Variants in QTMAN observed in about 807,000 individuals in gnomAD.
QTMAN encodes the protein queuosine-tRNA mannosyltransferase, also known as tRNA-queuosine alpha-mannosyltransferase.
At chr2:144,148,435 T>C in the QTMAN span, among the ~76,000 whole-genome samples, 2 of 151,814 alleles carry the variant, frequency 1.3e-5, no homozygotes, top group East Asian at 1.9e-4. Context: ...GAGCAAGGCA[T>C]TGTCGTACTG....
At chr2:144,184,598 T>G in the QTMAN span, among the ~76,000 whole-genome samples, 1 of 152,188 alleles carries the variant, frequency 6.6e-6, no homozygotes. Flanking sequence ...TTTCTTTTCC[T>G]TTTTGGAAAT....
the QTMAN span, among the ~76,000 whole-genome samples, chr2:143,982,342 T>C: frequency 6.6e-6 from 1 of 151,946 alleles, no homozygotes; most frequent in African/African-American, 2.4e-5. Flanking sequence ...GCAATTCTCC[T>C]GTCTCAGCTT....
chr2:144,054,292 G>T, the QTMAN span, among the ~76,000 whole-genome samples: 1 of 152,090 alleles, frequency 6.6e-6, no homozygotes, highest in African/African-American at 2.4e-5. Context: ...GCACAACAAA[G>T]GTTCTTTGCT....
chr2:143,954,020 T>C, the QTMAN span, among the ~76,000 whole-genome samples: 81 of 152,084 alleles, frequency 5.3e-4, no homozygotes, highest in African/African-American at 1.7e-3. Flanking sequence ...TGAGAACTGA[T>C]AGAAGTTACA....
the QTMAN span, among the ~76,000 whole-genome samples, chr2:144,277,656 T>C: frequency 6.6e-6 from 1 of 150,712 alleles, no homozygotes; most frequent in Non-Finnish European, 1.5e-5. Flanking sequence ...CCTACAAAAT[T>C]TTTTTTTTCT....
the QTMAN span, among the ~76,000 whole-genome samples, chr2:144,008,289 C>T: frequency 6.6e-6 from 1 of 151,608 alleles, no homozygotes. Flanking sequence ...AACTAACCTA[C>T]GCTGGAACAT....
At chr2:144,282,600 T>C in the QTMAN span, among the ~76,000 whole-genome samples, 2 of 152,212 alleles carry the variant, frequency 1.3e-5, no homozygotes, top group South Asian at 4.1e-4. Context: ...TAAAGTTCTA[T>C]TTAAGAAATA....
chr2:144,131,831 G>C, the QTMAN span, among the ~76,000 whole-genome samples: 1 of 151,910 alleles, frequency 6.6e-6, no homozygotes, highest in Non-Finnish European at 1.5e-5. Flanking sequence ...TCTGAACCTC[G>C]GTTTCCTCAC....
At chr2:144,031,265 G>A in the QTMAN span, among the ~76,000 whole-genome samples, 4 of 151,872 alleles carry the variant, frequency 2.6e-5, no homozygotes, top group African/African-American at 9.7e-5. Flanking sequence ...CATCTAGGAC[G>A]AAAATTCAAG....
At chr2:144,321,303 G>A in the QTMAN span, among the ~76,000 whole-genome samples, 1 of 152,180 alleles carries the variant, frequency 6.6e-6, no homozygotes, top group East Asian at 1.9e-4. Context: ...CCCTGTTTCT[G>A]TTGTGAGGGA....
At chr2:144,329,318 G>T in the QTMAN span, among the ~76,000 whole-genome samples, 1 of 151,270 alleles carries the variant, frequency 6.6e-6, no homozygotes, top group Non-Finnish European at 1.5e-5. Flanking sequence ...ATAAGTAAAA[G>T]AATACACAGT....
the QTMAN span, among the ~76,000 whole-genome samples, chr2:144,153,493 AG>A: frequency 6.6e-6 from 1 of 152,048 alleles, no homozygotes; most frequent in East Asian, 1.9e-4. Context: ...GCGGATCACG[AG>A]GTCAGGAGAT....
At chr2:143,989,385 CAG>C in the QTMAN span, among the ~76,000 whole-genome samples, 1 of 152,142 alleles carries the variant, frequency 6.6e-6, no homozygotes, top group Admixed American at 6.5e-5. Context: ...TCAAGATAAA[CAG>C]ATACTCAAGG....
At chr2:144,224,515 C>T in the QTMAN span, among the ~76,000 whole-genome samples, 3 of 152,226 alleles carry the variant, frequency 2.0e-5, no homozygotes, top group South Asian at 4.2e-4. Context: ...CAGATGAGGG[C>T]ACCTATAAAG....
the QTMAN span, among the ~76,000 whole-genome samples, chr2:144,068,394 T>G: frequency 6.0e-4 from 92 of 152,322 alleles, no homozygotes; most frequent in Admixed American, 8.5e-4. Flanking sequence ...ATTACTATCA[T>G]AAAAAGGCCA....
the QTMAN span, chr2:144,235,622 A>G: frequency 1.3e-5 from 2 of 152,574 alleles, no homozygotes; most frequent in South Asian, 4.1e-4. Context: ...ATGCCCGCAT[A>G]TTGCCACAGG....
the QTMAN span, among the ~76,000 whole-genome samples, chr2:143,974,163 G>T: frequency 1.3e-5 from 2 of 152,210 alleles, no homozygotes; most frequent in South Asian, 4.2e-4. Context: ...ACATATGTAC[G>T]GTAGTATGCC....
chr2:144,157,376 C>T, the QTMAN span, among the ~76,000 whole-genome samples: 1 of 151,996 alleles, frequency 6.6e-6, no homozygotes, highest in Admixed American at 6.6e-5. Flanking sequence ...CAGTCAAAAG[C>T]CTCTCTCAGC....
At chr2:144,116,354 G>A in the QTMAN span, among the ~76,000 whole-genome samples, 3 of 152,008 alleles carry the variant, frequency 2.0e-5, no homozygotes, top group Non-Finnish European at 2.9e-5. Context: ...GTGCATGTGT[G>A]TGTGTGTGTG....
Sources: allele counts gnomAD v4.1 joint callset (sites outside exome capture counted in the v4.1 genomes callset), GRCh38; gene constraint gnomAD v4.1.1; transcripts MANE v1.5; gene names NCBI Gene and HGNC (gene_info 2026-07-23, HGNC 2026-07-21).